The following CALD1 variants were observed in gnomAD, a reference collection of about 807,000 sequenced individuals.
CALD1 encodes caldesmon 1.
CALD1 carries 33 observed loss-of-function variants against 99.9 expected under a neutral mutation model. The observed-to-expected ratio is 0.33, with a 90% CI of 0.25 to 0.44. The LOEUF (loss-of-function observed/expected upper bound fraction) is 0.44. Among genes scored for constraint, CALD1 ranks in the 20% least tolerant of loss-of-function variants. The pLI is 1.00. For missense variants in CALD1, 861 were observed against 962.1 expected (o/e 0.89, Z 1.39); for synonymous variants, 310 against 325.0 (o/e 0.95, Z 0.50).
In CALD1 at chr7:134,796,609, AGAGT is replaced by A. The variant is rs200930718; in HGVS notation, c.-130+16861_-130+16864del. On this transcript the variant is annotated intron_variant, in intron 1 of 14. Coordinates refer to ENST00000361675, the MANE Select transcript of CALD1 (RefSeq NM_033138.4). ...TTTATTTATTTTCTTAGAGATAGAT[AGAGT>A]CTCACTCTGTTGCCCAGGCTGGAGT... 6.9e-3 allele frequency among the ~76,000 whole-genome samples: 1,055 copies of A among 152,184 alleles called. 22 individuals are homozygous for A. Among genetic ancestry groups the A allele is most frequent in the African/African-American group, 0.024 (993 of 41,522 alleles).
chr7:134,713,144 T>A, the CALD1 span, among the ~76,000 whole-genome samples: 6 of 152,222 alleles, frequency 3.9e-5, no homozygotes, highest in Admixed American at 3.9e-4. Flanking sequence ...ATAAGTGACA[T>A]TGGTGTTCAT....
Position 134,861,711 on chromosome 7 carries a change from T to C in CALD1, c.-41-5982T>C, listed in dbSNP as rs142237175. ...GTAAATATTTATTGTATATTGATTGTATAAATGTTTTTGTGAGGCCTCACT... is the reference window on the plus strand; with the variant it reads ...GTAAATATTTATTGTATATTGATTGCATAAATGTTTTTGTGAGGCCTCACT... On this transcript the variant is annotated intron_variant, in intron 2 of 14. Coordinates refer to ENST00000361675, the MANE Select transcript of CALD1 (RefSeq NM_033138.4). Among the ~76,000 whole-genome samples the C allele has an allele frequency of 1.1e-4, 17 of 152,358 alleles. No individual in the cohort carries two copies. The East Asian group carries it at 3.3e-3, about 29-fold the overall frequency.
the CALD1 span, among the ~76,000 whole-genome samples, chr7:134,712,879 C>T: frequency 1.3e-5 from 2 of 152,150 alleles, no homozygotes; most frequent in African/African-American, 4.8e-5. Context: ...CGTTAAAATC[C>T]AAGAGGAAAA....
intron 3 of CALD1, among the ~76,000 whole-genome samples, chr7:134,879,721 C>T (rs903210806): frequency 5.3e-5 from 8 of 152,152 alleles, no homozygotes; most frequent in Admixed American, 4.6e-4. Flanking sequence ...TAGACTTAAA[C>T]ATTTTTCAAA....
chr7:134,719,669 T>C, the CALD1 span, among the ~76,000 whole-genome samples: 4 of 152,146 alleles, frequency 2.6e-5, no homozygotes, highest in Non-Finnish European at 5.9e-5. Context: ...CATTGTCCGA[T>C]ATGTGTTTGT....
chr7:134,891,135 C>G (rs1276021945), intron 3 of CALD1, among the ~76,000 whole-genome samples: 2 of 152,166 alleles, frequency 1.3e-5, no homozygotes, highest in African/African-American at 2.4e-5. Context: ...ATACCATGAT[C>G]AACTATTTTC....
intron 3 of CALD1, chr7:134,891,720 T>A: frequency 7.9e-7 from 1 of 1,272,478 alleles, no homozygotes; most frequent in Non-Finnish European, 1.1e-6. Flanking sequence ...CTTTTTTTTT[T>A]TTATAAAAAA....
intron 3 of CALD1, among the ~76,000 whole-genome samples, chr7:134,924,271 T>G (rs1804823147): frequency 6.6e-6 from 1 of 152,198 alleles, no homozygotes; most frequent in Non-Finnish European, 1.5e-5. Context: ...GGGAGTGGCT[T>G]TTACTTTCTC....
intron 6 of CALD1, among the ~76,000 whole-genome samples, chr7:134,936,130 G>C (rs1452626899): frequency 6.6e-6 from 1 of 151,570 alleles, no homozygotes; most frequent in Non-Finnish European, 1.5e-5. Flanking sequence ...TTTTTTCCTT[G>C]AGCCATTCTA....
chr7:134,846,027 C>T (rs1799838349), intron 2 of CALD1, among the ~76,000 whole-genome samples: 2 of 152,204 alleles, frequency 1.3e-5, no homozygotes, highest in African/African-American at 4.8e-5. Context: ...GCTAACTCCA[C>T]CTATGGTCAT....
chr7:134,885,718 C>T (rs1373724938), intron 3 of CALD1, among the ~76,000 whole-genome samples: 1 of 152,172 alleles, frequency 6.6e-6, no homozygotes, highest in African/African-American at 2.4e-5. Flanking sequence ...TCCTTCACAA[C>T]CTGTACCTAT....
At position 134,960,029 on chromosome 7, in the gene CALD1, C is replaced by T; in HGVS notation, c.2117C>T (p.Ala706Val). 1 of 1,614,124 alleles carries T rather than the reference C, an allele frequency of 6.2e-7. No individual in the cohort carries two copies. Among genetic ancestry groups the T allele is most frequent in the Non-Finnish European group, 8.5e-7 (1 of 1,179,996 alleles). The change falls in exon 12 of 15, where the codon GCT (alanine) becomes GTT (valine). Residue 706 changes from alanine (A) to valine (V), a missense_variant. Physicochemically the swap from Ala to Val is moderately conservative, Grantham distance 64. Transcript: ENST00000361675. ...GCAGCCTCGGATCTTCCTGTTCCTG[C>T]TGAAGGTGTACGCAACATCAAGAGT... is the stretch of plus-strand genomic sequence containing the variant. ...KPAASDLPVP[A>V]EGVRNIKSMW...
chr7:134,768,454 G>T (rs1225974728), intron 1 of CALD1, among the ~76,000 whole-genome samples: 3 of 152,150 alleles, frequency 2.0e-5, no homozygotes, highest in African/African-American at 7.2e-5. Context: ...TGATGTTATG[G>T]TGTCAAAGCC....
At chr7:134,928,147 C>A in intron 3 of CALD1, 1 of 272,436 alleles carries the variant, frequency 3.7e-6, no homozygotes, top group Non-Finnish European at 7.7e-6. Context: ...CTAAATCTTA[C>A]AAGGCCAGGC....
At chr7:134,759,181 A>T (rs1255035322) in intron 1 of CALD1, among the ~76,000 whole-genome samples, 1 of 152,224 alleles carries the variant, frequency 6.6e-6, no homozygotes, top group Non-Finnish European at 1.5e-5. Flanking sequence ...TAGAGTCTAG[A>T]ATATACTAGT....
chr7:134,731,569 T>C, the CALD1 span, among the ~76,000 whole-genome samples: 5 of 152,340 alleles, frequency 3.3e-5, no homozygotes, highest in Non-Finnish European at 7.4e-5. Flanking sequence ...CTCCTAACCA[T>C]GTCCCGCTAT....
intron 1 of CALD1, among the ~76,000 whole-genome samples, chr7:134,827,201 G>A (rs1799033125): frequency 6.6e-6 from 1 of 152,110 alleles, no homozygotes; most frequent in African/African-American, 2.4e-5. Flanking sequence ...AGCAATAGAA[G>A]TTTTGACATT....
At chr7:134,731,786 A>G in the CALD1 span, among the ~76,000 whole-genome samples, 1 of 151,474 alleles carries the variant, frequency 6.6e-6, no homozygotes, top group South Asian at 2.1e-4. Flanking sequence ...CTTCTTCGTG[A>G]CACATTTCTG....
At chr7:134,923,754 T>C (rs1804783166) in intron 3 of CALD1, among the ~76,000 whole-genome samples, 1 of 152,214 alleles carries the variant, frequency 6.6e-6, no homozygotes, top group Non-Finnish European at 1.5e-5. Flanking sequence ...CAAATTCTGC[T>C]TTGTGGTGAA....
Sources: gnomAD v4.1 joint callset for allele counts (sites outside exome capture counted in the v4.1 genomes callset) on GRCh38, gnomAD v4.1.1 for gene constraint, MANE v1.5 for transcripts, NCBI Gene and HGNC (gene_info 2026-07-23, HGNC 2026-07-21) for gene names.